SLC2A2: variants seen among roughly 807,000 people sequenced by gnomAD.
The protein encoded by SLC2A2 is solute carrier family 2 member 2, also known as solute carrier family 2, facilitated glucose transporter member 2.
In SLC2A2, 36 loss-of-function variants were observed where a neutral mutation model predicts 54.5. That is an observed-to-expected ratio of 0.66 (90% CI 0.51 to 0.87). The LOEUF (loss-of-function observed/expected upper bound fraction) is 0.87, where lower values mean the gene tolerates loss of function less well. Among genes scored for constraint, SLC2A2 ranks in the 40% least tolerant of loss-of-function variants. SLC2A2 has a pLI of 0.00. For synonymous variants in SLC2A2, 223 were observed against 219.1 expected (o/e 1.02, Z -0.16); for missense variants, 543 against 624.3 (o/e 0.87, Z 1.39).
chr3:171,000,983 T>C (rs1715307904), intron 8 of SLC2A2, among the ~76,000 whole-genome samples: 1 of 152,046 alleles, frequency 6.6e-6, no homozygotes, highest in Non-Finnish European at 1.5e-5. Context: ...GGAGGCTTAA[T>C]TAATGATTTG....
rs1372689853 is a variant in SLC2A2, at chr3:171,026,658, T to C, written c.13A>G (p.Lys5Glu). 3.7e-6 allele frequency: 6 copies of C among 1,613,070 alleles called. No homozygotes were observed. ...AAATGAATATAATGCTGCTTTACCT[T>C]ATCTTCTGTCATTGTACTAGTTGGG... is the stretch of plus-strand genomic sequence containing the variant. MTEDKVTGTLVFTVI... is the reference protein window; with the variant it reads MTEDEVTGTLVFTVI... Residue 5 changes from lysine (K) to glutamate (E), a missense_variant and splice_region_variant, in exon 1 of 11, where the codon AAG becomes GAG. This residue lies in a region of SLC2A2 where 318 missense variants were observed against 343.8 expected (regional missense o/e 0.93). Transcript: ENST00000314251.
At chr3:171,000,491 G>A (rs908751979) in intron 8 of SLC2A2, among the ~76,000 whole-genome samples, 4 of 151,848 alleles carry the variant, frequency 2.6e-5, no homozygotes, top group African/African-American at 7.3e-5. Context: ...GTGAGACATG[G>A]TCAGTGGCTG....
chr3:171,001,930 T>TG (rs1715354120), intron 8 of SLC2A2, among the ~76,000 whole-genome samples: 1 of 151,884 alleles, frequency 6.6e-6, no homozygotes, highest in African/African-American at 2.4e-5. Flanking sequence ...GACTTTTTTT[T>TG]TTGTTGGAAG....
Position 171,005,397 on chromosome 3 carries a change from G to A in SLC2A2, c.851C>T (p.Ser284Leu). 1.9e-6 allele frequency: 3 copies of A among 1,612,428 alleles called. No homozygotes were observed. Among genetic ancestry groups the A allele is most frequent in the South Asian group, 2.2e-5 (2 of 91,046 alleles). ...NEMRKEREEA[S>L]SEQKVSIIQL... ...AATTATAGAGACTTTCTGCTCACTC[G>A]ATGCTTCTTCTCTTTCTTTTCTCAT... The change falls in exon 7 of 11, where the codon TCG becomes TTG. Residue 284 changes from serine (S) to leucine (L), a missense_variant. Around this residue, in one of 3 missense-constraint regions of SLC2A2, gnomAD observed 318 missense variants for 343.8 expected, o/e 0.93. Coordinates refer to ENST00000314251, the MANE Select transcript of SLC2A2 (RefSeq NM_000340.2).
intron 4 of SLC2A2, 183 bp from the exon 5 acceptor site, chr3:171,007,446 C>G (rs992348207): frequency 3.3e-6 from 2 of 604,186 alleles, no homozygotes; most frequent in South Asian, 1.9e-5. Context: ...ACCTCATATG[C>G]AGTTGTAGTT....
chr3:171,014,695 G>A lies in SLC2A2; in HGVS notation c.145C>T (p.Pro49Ser), dbSNP rs983907950. ...TTGATAGCTTTTCGGTCATCCAGTG[G>A]AACACCCAAAACATGTCTATAGTGA... ...ISHYRHVLGV[P>S]LDDRKAINNY... Residue 49 changes from proline to serine, a missense_variant, in exon 3 of 11, where the codon CCA becomes TCA. Physicochemically the swap from Pro to Ser is moderately conservative, Grantham distance 74 (BLOSUM62 -1). Around this residue, in one of 3 missense-constraint regions of SLC2A2, gnomAD observed 318 missense variants for 343.8 expected, o/e 0.93. Coordinates refer to ENST00000314251, the MANE Select transcript of SLC2A2 (RefSeq NM_000340.2). The A allele has an allele frequency of 1.2e-6, 2 of 1,613,362 alleles. No homozygotes were observed. Among genetic ancestry groups the A allele is most frequent in the Non-Finnish European group, 1.7e-6 (2 of 1,179,452 alleles).
intron 1 of SLC2A2, among the ~76,000 whole-genome samples, chr3:171,023,185 C>T (rs1716541042): frequency 6.6e-6 from 1 of 152,162 alleles, no homozygotes; most frequent in South Asian, 2.1e-4. Flanking sequence ...TATTTTAACT[C>T]CTCAAGATAG....
At chr3:171,012,991 G>T (rs1715962015) in intron 3 of SLC2A2, among the ~76,000 whole-genome samples, 2 of 152,078 alleles carry the variant, frequency 1.3e-5, no homozygotes, top group South Asian at 2.1e-4. Context: ...AATGTTTTAG[G>T]TTAAGTCACT....
chr3:171,017,549 C>T (rs919297414), intron 2 of SLC2A2, among the ~76,000 whole-genome samples: 9 of 152,116 alleles, frequency 5.9e-5, no homozygotes, highest in South Asian at 2.1e-4. Flanking sequence ...CAGAAGGCAC[C>T]GAAAAAATGT....
chr3:171,007,583 G>T (rs1715673880), intron 4 of SLC2A2: 2 of 336,568 alleles, frequency 5.9e-6, no homozygotes, highest in African/African-American at 4.3e-5. Flanking sequence ...CTTCAGAAAA[G>T]AAATTGAAGA....
Position 171,014,640 on chromosome 3 carries a change from A to C in SLC2A2, c.200T>G (p.Leu67Arg), listed in dbSNP as rs1560039886. Residue 67 changes from leucine to arginine, a missense_variant, in exon 3 of 11, where the codon CTG becomes CGG. By Grantham distance (102) the Leu-to-Arg change is moderately radical. This residue lies in a region of SLC2A2 where 318 missense variants were observed against 343.8 expected (regional missense o/e 0.93). Transcript: ENST00000314251. ...GTTCATTGAGTATGAGATTGTGGGC[A>C]GTTCATCTGTACTGTTGATAACATA... ...NNYVINSTDE[L>R]PTISYSMNPK... 1 of 1,614,130 alleles carries C rather than the reference A, an allele frequency of 6.2e-7. No homozygotes were observed. The highest frequency in any genetic ancestry group is 8.5e-7 in the Non-Finnish European group (1 of 1,179,966).
At chr3:171,007,038 A>T (rs1347811995) in intron 5 of SLC2A2, 110 bp downstream of exon 5, 10 of 736,734 alleles carry the variant, frequency 1.4e-5, no homozygotes, top group Admixed American at 4.0e-5. Flanking sequence ...TCAGGGAGGG[A>T]CGAGATGGAT....
In SLC2A2 at chr3:170,996,800, T is replaced by C. The variant is rs1476404444; in HGVS notation, c.*1103A>G. ...ATTATTTTATGTTAGGAACACACCA[T>C]AAAACAATCAGTCTTTCCAGGAAAA... On this transcript the variant is annotated 3_prime_UTR_variant, in exon 11 of 11. Transcript: ENST00000314251. The C allele has an allele frequency of 7.6e-6, 3 of 394,798 alleles. No individual in the cohort carries two copies. The highest frequency in any genetic ancestry group is 8.8e-5 in the Admixed American group (2 of 22,638). The allele number at this position is 394,798 out of a possible 1,614,324, so 24.5% of individuals were successfully genotyped here.
chr3:170,997,857 G>T lies in SLC2A2; in HGVS notation c.*46C>A. The T allele has an allele frequency of 6.8e-7, 1 of 1,460,856 alleles. No individual in the cohort carries two copies. The highest frequency in any genetic ancestry group is 9.5e-7 in the Non-Finnish European group (1 of 1,047,244). 90.5% of individuals were successfully genotyped at this position (1,460,856 alleles called of 1,614,324 possible). A position where few individuals can be genotyped will look rare whatever the true frequency, so the allele number is the denominator to read the frequency against. On this transcript the variant is annotated 3_prime_UTR_variant, in exon 11 of 11. Coordinates refer to ENST00000314251, the MANE Select transcript of SLC2A2 (RefSeq NM_000340.2). The stretch of plus-strand genomic sequence containing the variant: ...AAGGAATCATCATTTAAAAACAGAC[G>T]GTTCCCTTATTGTTTCTGTTCATGT...
rs147147781 is a variant in SLC2A2, at chr3:171,022,779, C to T, written c.15+3877G>A. On this transcript the variant is annotated intron_variant, in intron 1 of 10. Coordinates refer to ENST00000314251, the MANE Select transcript of SLC2A2 (RefSeq NM_000340.2). ...TAGCCATGCTAATGGTGAGCAGGGG[C>T]GACACAGAAATTGAAGTTGGGGTGA... 3.3e-3 allele frequency among the ~76,000 whole-genome samples: 496 copies of T among 152,266 alleles called. 1 individual carries two copies. The highest frequency in any genetic ancestry group is 0.011 in the African/African-American group (473 of 41,544).
In SLC2A2 at chr3:171,026,536, A is replaced by G. The variant is rs373867482; in HGVS notation, c.15+120T>C. 72 of 843,522 alleles carry G rather than the reference A, an allele frequency of 8.5e-5. No homozygotes were observed. In the East Asian group the frequency reaches 9.4e-4, roughly 11 times the overall value. 52.3% of individuals were successfully genotyped at this position (843,522 alleles called of 1,614,324 possible). On this transcript the variant is annotated intron_variant, in intron 1 of 10. Coordinates refer to ENST00000314251, the MANE Select transcript of SLC2A2 (RefSeq NM_000340.2). ...GTTCTTCAATTGGCAAAGTAAAGAG[A>G]ATTAATTTTGATCTGTGGTAGCTAC...
chr3:171,018,616 C>G lies in SLC2A2; in HGVS notation c.23G>C (p.Gly8Ala). Residue 8 changes from glycine (G) to alanine (A), a missense_variant, in exon 2 of 11, where the codon GGG (glycine) becomes GCG (alanine). Physicochemically the swap from Gly to Ala is moderately conservative, Grantham distance 60. Around this residue, in one of 3 missense-constraint regions of SLC2A2, gnomAD observed 318 missense variants for 343.8 expected, o/e 0.93. Transcript: ENST00000314251. ...AGTGATGACAGTGAAAACCAGGGTCCCAGTGACCTGCAGGGGGCGAGACAC... is the reference window on the plus strand; with the variant it reads ...AGTGATGACAGTGAAAACCAGGGTCGCAGTGACCTGCAGGGGGCGAGACAC... MTEDKVT[G>A]TLVFTVITAV... 6.2e-7 allele frequency: 1 copy of G among 1,613,084 alleles called. No individual in the cohort carries two copies. Among genetic ancestry groups the G allele is most frequent in the South Asian group, 1.1e-5 (1 of 91,054 alleles).
intron 1 of SLC2A2, among the ~76,000 whole-genome samples, chr3:171,024,460 C>T (rs1487161911): frequency 6.6e-6 from 1 of 152,154 alleles, no homozygotes; most frequent in Non-Finnish European, 1.5e-5. Context: ...TCTTAAACGC[C>T]ACTGCTAACC....
At chr3:171,011,474 C>T (rs963862875) in intron 3 of SLC2A2, among the ~76,000 whole-genome samples, 3 of 152,240 alleles carry the variant, frequency 2.0e-5, no homozygotes, top group African/African-American at 7.2e-5. Context: ...TGCATTCTTC[C>T]CTCAAAGCCT....
Sources: allele counts gnomAD v4.1 joint callset (sites outside exome capture counted in the v4.1 genomes callset), GRCh38; gene constraint gnomAD v4.1.1; regional missense constraint gnomAD v4.1.1; transcripts MANE v1.5; gene names NCBI Gene and HGNC (gene_info 2026-07-23, HGNC 2026-07-21).